The following FBN3 variants were observed in gnomAD, a reference collection of about 807,000 sequenced individuals.
The protein encoded by FBN3 is fibrillin 3, also known as fibrillin-3.
Under a neutral mutation model 330.1 loss-of-function variants are expected in FBN3, and 234 were observed. The observed-to-expected ratio is 0.71, with a 90% CI of 0.64 to 0.79. The LOEUF (loss-of-function observed/expected upper bound fraction) is 0.79. Among genes scored for constraint, FBN3 ranks in the 30% least tolerant of loss-of-function variants. FBN3 has a pLI of 0.00. For synonymous variants in FBN3, 1,458 were observed against 1,517.3 expected, an observed-to-expected ratio of 0.96 and a Z score of 0.91; for missense variants, 3,606 against 3,886.9, an observed-to-expected ratio of 0.93 and a Z score of 1.92.
In FBN3 at chr19:8,090,145, C is replaced by A; in HGVS notation, c.6138G>T (p.Gly2046=). 1 of 1,614,062 alleles carries A rather than the reference C, an allele frequency of 6.2e-7. No individual in the cohort carries two copies. Among genetic ancestry groups the A allele is most frequent in the Non-Finnish European group, 8.5e-7 (1 of 1,179,986 alleles). Reference sequence around the variant, plus strand: ...GTTCGCAGGGGTCTCCCCAGCCCTCCCCAGGCCTCTTACTGCAGCAGCAGC... The same window carrying A: ...GTTCGCAGGGGTCTCCCCAGCCCTCACCAGGCCTCTTACTGCAGCAGCAGC... ...KTRCCCSKRP[G]EGWGDPCELC... Residue 2046 remains glycine (G), a synonymous_variant, in exon 49 of 64, where the codon GGG becomes GGT. Transcript: ENST00000600128.
chr19:8,146,635 CAGAGAG>C (rs35157681), intron 3 of FBN3, among the ~76,000 whole-genome samples: 1 of 150,974 alleles, frequency 6.6e-6, no homozygotes, highest in Non-Finnish European at 1.5e-5. Flanking sequence ...CTCAGAGAAA[CAGAGAG>C]AGAGAGAATC....
Position 8,117,457 on chromosome 19 carries a change from G to C in FBN3, c.3463+7C>G. 6.4e-7 allele frequency: 1 copy of C among 1,561,660 alleles called. No homozygotes were observed. The highest frequency in any genetic ancestry group is 2.4e-5 in the East Asian group (1 of 41,802). ...GCCCAGGGGCCAGCAGGTGGGCACAGTCTCACCCACGCAGCCCTGGCGGTC... is the reference window on the plus strand; with the variant it reads ...GCCCAGGGGCCAGCAGGTGGGCACACTCTCACCCACGCAGCCCTGGCGGTC... On this transcript the variant is annotated splice_region_variant and intron_variant, in intron 27 of 63. Transcript: ENST00000600128.
chr19:8,097,232 A>T (rs2082230457), intron 42 of FBN3, 57 bp downstream of exon 42: 1 of 1,570,774 alleles, frequency 6.4e-7, no homozygotes, highest in East Asian at 2.3e-5. Flanking sequence ...CAGATTGCAC[A>T]GTGGCGGACA....
rs778286938 is a variant in FBN3 at position 8,089,878 on chromosome 19, TG to T, written c.6250+15del. ...TGGCCCAGAAGGGGCTCTTAGCATG[TG>T]GGTGAGGGGCTCACCTTCTCGGGAG... On this transcript the variant is annotated intron_variant, in intron 50 of 63. Transcript: ENST00000600128. The T allele has an allele frequency of 4.4e-5, 69 of 1,585,344 alleles. No individual in the cohort carries two copies. The highest frequency in any genetic ancestry group is 2.7e-5 in the African/African-American group (2 of 74,520).
chr19:8,118,723 A>G (rs1206088163), intron 26 of FBN3, among the ~76,000 whole-genome samples, 174 bp downstream of exon 26: 1 of 151,950 alleles, frequency 6.6e-6, no homozygotes, highest in Non-Finnish European at 1.5e-5. Flanking sequence ...ATATAAACCC[A>G]CTTACACACA....
rs755603197 is a variant in FBN3, at chr19:8,129,128, G to A, written c.2196C>T (p.Ser732=). The A allele has an allele frequency of 6.2e-7, 1 of 1,613,010 alleles. No individual in the cohort carries two copies. Among genetic ancestry groups the A allele is most frequent in the Non-Finnish European group, 8.5e-7 (1 of 1,179,966 alleles). ...CTDVDECALN[S]LLCDNGWCQN... is the part of the protein sequence containing the mutation. ...GGCACCACCCGTTGTCACACAGGAG[G>A]CTGTTGAGGGCACACTCATCCACGT... is the stretch of plus-strand genomic sequence containing the variant. The change falls in exon 18 of 64, where the codon AGC becomes AGT. Residue 732 remains serine, a synonymous_variant. Transcript: ENST00000600128. This position sits in a 1 kb window ranked among gnomAD's most constrained non-coding sequence, Gnocchi z 4.5.
At position 8,129,650 on chromosome 19, in the gene FBN3, G is replaced by A. The variant is rs1341090217; in HGVS notation, c.2045-285C>T. Reference sequence around the variant, plus strand: ...CCATGAGATGTCAGTAGCACCCACCGCCCCAGTATTACTCCAGACATTGTC... The same window carrying A: ...CCATGAGATGTCAGTAGCACCCACCACCCCAGTATTACTCCAGACATTGTC... On this transcript the variant is annotated intron_variant, in intron 16 of 63. Coordinates refer to ENST00000600128, the MANE Select transcript of FBN3 (RefSeq NM_032447.5). This position sits in a 1 kb window ranked among gnomAD's most constrained non-coding sequence, Gnocchi z 4.5. 2.0e-5 allele frequency among the ~76,000 whole-genome samples: 3 copies of A among 152,068 alleles called. No homozygotes were observed. The highest frequency in any genetic ancestry group is 6.6e-5 in the Admixed American group (1 of 15,254).
At chr19:8,089,742 G>A (rs1486354556) in intron 50 of FBN3, 72 bp from the exon 51 acceptor site, 2 of 1,588,104 alleles carry the variant, frequency 1.3e-6, no homozygotes, top group African/African-American at 1.3e-5. Flanking sequence ...CACACTCAAG[G>A]CCCCAAGGGG....
intron 13 of FBN3, among the ~76,000 whole-genome samples, chr19:8,133,597 T>G (rs111455502): frequency 6.6e-6 from 1 of 151,956 alleles, no homozygotes; most frequent in African/African-American, 2.4e-5. Flanking sequence ...ATTACAGGCA[T>G]GTACCACCAC....
rs756579395 is a variant in FBN3, at chr19:8,123,505, G to A, written c.3041C>T (p.Ala1014Val). ...NTVGSFHCAC[A>V]GGFALDAQER... ...CTGGGCATCCAGGGCGAAGCCCCCC[G>A]CACAGGCGCAGTGGAAGCTGCCCAC... Residue 1014 changes from alanine (A) to valine (V), a missense_variant, in exon 24 of 64, where the codon GCG (alanine) becomes GTG (valine). Transcript: ENST00000600128. 5.6e-6 allele frequency: 9 copies of A among 1,614,054 alleles called. No homozygotes were observed. The highest frequency in any genetic ancestry group is 2.2e-5 in the South Asian group (2 of 91,052).
chr19:8,092,008 T>A lies in FBN3; in HGVS notation c.5906-418A>T, dbSNP rs951008100. On this transcript the variant is annotated intron_variant, in intron 47 of 63. Transcript: ENST00000600128. ...TATCCTGGCTAACATGGTGAAACCA[T>A]CTACTAACAATACAAAAAAATTAGC... Among the ~76,000 whole-genome samples, 3 of 151,766 alleles carry A rather than the reference T, an allele frequency of 2.0e-5. No homozygotes were observed. In the East Asian group the frequency reaches 5.8e-4, roughly 29 times the overall value.
At chr19:8,117,055 C>T (rs1240272683) in intron 28 of FBN3, 114 bp downstream of exon 28, 9 of 1,468,502 alleles carry the variant, frequency 6.1e-6, no homozygotes, top group African/African-American at 1.4e-5. Flanking sequence ...GGGGGTGCCT[C>T]GGGTCTGGCT....
intron 37 of FBN3, among the ~76,000 whole-genome samples, chr19:8,106,941 G>A (rs1407610642): frequency 6.6e-6 from 1 of 151,504 alleles, no homozygotes; most frequent in Non-Finnish European, 1.5e-5. Flanking sequence ...TGAGAGATAG[G>A]TGGGTGGGAG....
At position 8,121,880 on chromosome 19, in the gene FBN3, G is replaced by A. The variant is rs1410049221; in HGVS notation, c.3083-494C>T. On this transcript the variant is annotated intron_variant, in intron 24 of 63. Transcript: ENST00000600128. This position sits in a 1 kb window ranked among gnomAD's most constrained non-coding sequence, Gnocchi z 4.5. The stretch of plus-strand genomic sequence containing the variant: ...TTCTCCTGCCTCAGCCTCCCGAGTA[G>A]CTGGGATTACAGGTGTGTGCCACCA... Among the ~76,000 whole-genome samples, 1 of 152,030 alleles carries A rather than the reference G, an allele frequency of 6.6e-6. No individual in the cohort carries two copies. Among genetic ancestry groups the A allele is most frequent in the African/African-American group, 2.4e-5 (1 of 41,374 alleles).
intron 34 of FBN3, among the ~76,000 whole-genome samples, chr19:8,110,486 A>G (rs2082552871): frequency 6.6e-6 from 1 of 152,218 alleles, no homozygotes; most frequent in Non-Finnish European, 1.5e-5. Context: ...TCATTCATTT[A>G]CATATTGCTT....
rs1245959439 is a variant in FBN3, at chr19:8,110,872, G to A, written c.4306C>T (p.Leu1436=). 17 of 1,614,104 alleles carry A rather than the reference G, an allele frequency of 1.1e-5. No homozygotes were observed. Among genetic ancestry groups the A allele is most frequent in the Admixed American group, 1.7e-5 (1 of 60,008 alleles). Residue 1436 remains leucine (L), a synonymous_variant, in exon 34 of 64, where the codon CTG becomes TTG. Transcript: ENST00000600128. ...GTGCAGTTGCCACCCCCTCGGTCCA[G>A]TTCGTAGCCACCATTGCAGATGCAG... ...FRCICNGGYE[L]DRGGGNCTDI...
intron 25 of FBN3, among the ~76,000 whole-genome samples, chr19:8,120,962 G>A (rs538983945): frequency 1.3e-5 from 2 of 152,252 alleles, no homozygotes; most frequent in African/African-American, 2.4e-5. Flanking sequence ...CCTCATAACC[G>A]GCAGTATTTC....
rs541535428 is a variant in FBN3, at chr19:8,100,959, G to A, written c.5103C>T (p.Ile1701=). Residue 1701 remains isoleucine, a synonymous_variant, in exon 41 of 64, where the codon ATC becomes ATT. Coordinates refer to ENST00000600128, the MANE Select transcript of FBN3 (RefSeq NM_032447.5). ...ATCCCGGGGCCTGATTTCCACACAGGATCTGGTAGTCAGCTGCGCAAAGGG... is the reference window on the plus strand; with the variant it reads ...ATCCCGGGGCCTGATTTCCACACAGAATCTGGTAGTCAGCTGCGCAAAGGG... The part of the protein sequence containing the change: ...CPTPISPDYQ[I]LCGNQAPGFL... 240 of 1,613,768 alleles carry A rather than the reference G, an allele frequency of 1.5e-4. 5 individuals are homozygous for A. In the South Asian group the frequency reaches 2.3e-3, roughly 16 times the overall value.
chr19:8,101,966 C>CA (rs2082336072), intron 40 of FBN3, among the ~76,000 whole-genome samples: 1 of 152,248 alleles, frequency 6.6e-6, no homozygotes, highest in African/African-American at 2.4e-5. Context: ...CATATCCCCA[C>CA]ATGTCACGGG....
Sources: gnomAD v4.1 joint callset for allele counts (sites outside exome capture counted in the v4.1 genomes callset) on GRCh38, gnomAD v4.1.1 for gene constraint, Gnocchi (gnomAD v3.1) non-coding constraint, MANE v1.5 for transcripts, NCBI Gene and HGNC (gene_info 2026-07-23, HGNC 2026-07-21) for gene names.